The following GABRA3 variants were observed in gnomAD, a reference collection of about 807,000 sequenced individuals.
GABRA3 encodes the protein gamma-aminobutyric acid receptor subunit alpha-3.
GABRA3 carries 10 observed loss-of-function variants against 30.1 expected under a neutral mutation model. That is an observed-to-expected ratio of 0.33 (90% CI 0.20 to 0.56). The LOEUF (loss-of-function observed/expected upper bound fraction) is 0.56, where lower values mean the gene tolerates loss of function less well. GABRA3 is among the 20% of genes least tolerant of loss of function. The pLI, the probability that GABRA3 is intolerant of heterozygous loss-of-function variation, is 0.89. For missense variants in GABRA3, 233 were observed against 392.0 expected (o/e 0.59, Z 3.42); for synonymous variants, 151 against 146.8 (o/e 1.03, Z -0.21).
At chrX:152,256,680 C>T (rs1938642732) in intron 4 of GABRA3, among the ~76,000 whole-genome samples, 1 of 111,685 alleles carries the variant, frequency 9.0e-6, no homozygotes. Context: ...GTATTGGTAA[C>T]AGCATAATAA....
chrX:152,430,233 T>C (rs923913738), intron 1 of GABRA3, among the ~76,000 whole-genome samples: 1 of 111,692 alleles, frequency 9.0e-6, no homozygotes, highest in Admixed American at 9.5e-5. Context: ...TCCATGCAGC[T>C]GAAACAGAAA....
intron 6 of GABRA3, among the ~76,000 whole-genome samples, chrX:152,214,796 G>T (rs1329953625): frequency 9.6e-6 from 1 of 103,783 alleles, no homozygotes; most frequent in Non-Finnish European, 1.9e-5. Flanking sequence ...TTACCTCCTT[G>T]GTTAAATTTA....
At chrX:152,298,674 G>A (rs1005214319) in intron 3 of GABRA3, among the ~76,000 whole-genome samples, 6 of 110,902 alleles carry the variant, frequency 5.4e-5, no homozygotes, top group East Asian at 5.6e-4. Flanking sequence ...GAATAGTGCC[G>A]TAATAAACAT....
intron 3 of GABRA3, among the ~76,000 whole-genome samples, chrX:152,322,393 G>T (rs1169781889): frequency 8.9e-6 from 1 of 111,838 alleles, no homozygotes; most frequent in Non-Finnish European, 1.9e-5. Flanking sequence ...GGATGGAAAT[G>T]ATTTGGAACT....
At chrX:152,382,483 C>T (rs1369963570) in intron 1 of GABRA3, among the ~76,000 whole-genome samples, 1 of 112,231 alleles carries the variant, frequency 8.9e-6, no homozygotes, top group Non-Finnish European at 1.9e-5. Flanking sequence ...TGCCTCTTTA[C>T]TGTGTTGTTT....
At chrX:152,424,541 T>C (rs1261372436) in intron 1 of GABRA3, among the ~76,000 whole-genome samples, 2 of 111,491 alleles carry the variant, frequency 1.8e-5, no homozygotes, top group East Asian at 5.6e-4. Flanking sequence ...CCCCCACCAC[T>C]TGAAATGCTT....
At chrX:152,224,371 T>C (rs1937897755) in intron 6 of GABRA3, among the ~76,000 whole-genome samples, 1 of 111,984 alleles carries the variant, frequency 8.9e-6, no homozygotes, top group Admixed American at 9.5e-5. Context: ...AAGATGCAGG[T>C]AGAATACGCA....
chrX:152,410,064 T>C (rs1930031452), intron 1 of GABRA3, among the ~76,000 whole-genome samples: 2 of 112,105 alleles, frequency 1.8e-5, no homozygotes, highest in African/African-American at 6.5e-5. Context: ...TGCAAAAACA[T>C]GGATGGAACT....
intron 3 of GABRA3, 132 bp downstream of exon 3, chrX:152,345,449 T>C: frequency 3.0e-6 from 2 of 663,543 alleles, no homozygotes. Context: ...TTAGTGCTCA[T>C]AGGGAAGAAA....
chrX:152,243,861 T>A (rs975739162), intron 5 of GABRA3, among the ~76,000 whole-genome samples: 3 of 112,154 alleles, frequency 2.7e-5, no homozygotes, highest in Non-Finnish European at 3.8e-5. Flanking sequence ...TCTCATTGGG[T>A]TCAAAATCCC....
chrX:152,359,405 GTTCT>G (rs1928417090), intron 2 of GABRA3, among the ~76,000 whole-genome samples: 2 of 110,528 alleles, frequency 1.8e-5, no homozygotes, highest in African/African-American at 6.6e-5. Flanking sequence ...GCAGTAACAT[GTTCT>G]TTGTTATTTC....
chrX:152,374,980 T>C (rs1054225116), intron 1 of GABRA3, among the ~76,000 whole-genome samples: 3 of 111,441 alleles, frequency 2.7e-5, no homozygotes, highest in African/African-American at 9.8e-5. Context: ...AGTTCTCTTT[T>C]CTGTTCCATT....
intron 3 of GABRA3, among the ~76,000 whole-genome samples, chrX:152,289,311 G>C (rs1414335988): frequency 9.5e-6 from 1 of 105,162 alleles, no homozygotes; most frequent in Non-Finnish European, 2.0e-5. Flanking sequence ...GCTACCCTTT[G>C]GATCCACACA....
intron 3 of GABRA3, among the ~76,000 whole-genome samples, chrX:152,325,889 T>C (rs1940047949): frequency 9.0e-6 from 1 of 110,965 alleles, no homozygotes; most frequent in Non-Finnish European, 1.9e-5. Flanking sequence ...AGCAGATCAG[T>C]AATAACCAAC....
intron 3 of GABRA3, among the ~76,000 whole-genome samples, chrX:152,297,916 T>C (rs970294873): frequency 8.9e-6 from 1 of 112,071 alleles, no homozygotes; most frequent in African/African-American, 3.2e-5. Flanking sequence ...ATAACAAAAT[T>C]AGAAAGAGAA....
intron 4 of GABRA3, among the ~76,000 whole-genome samples, chrX:152,256,425 C>T (rs910637385): frequency 9.0e-6 from 1 of 111,170 alleles, no homozygotes; most frequent in East Asian, 2.8e-4. Flanking sequence ...TACATTTTAT[C>T]GTACATTTAA....
chrX:152,255,825 G>A lies in GABRA3; in HGVS notation c.504C>T (p.Asn168=). 8.3e-7 allele frequency: 1 copy of A among 1,211,492 alleles called. No individual in the cohort carries two copies. The highest frequency in any genetic ancestry group is 2.3e-4 in the Middle Eastern group (1 of 4,352). The change falls in exon 5 of 10, where the codon AAC becomes AAT. Residue 168 remains asparagine, a synonymous_variant. Transcript: ENST00000370314. ...KSVAHNMTTP[N]KLLRLVDNGT... is the part of the protein sequence containing the mutation. ...CGTTGTCCACCAATCTGAGCAGCTT[G>A]TTGGGCGTGGTCATGTTATGAGCCA...
At chrX:152,447,150 G>T (rs1019046503) in intron 1 of GABRA3, among the ~76,000 whole-genome samples, 1 of 110,540 alleles carries the variant, frequency 9.0e-6, no homozygotes, top group African/African-American at 3.3e-5. Flanking sequence ...CATCTTGGAG[G>T]GCAGAGGCTA....
intron 1 of GABRA3, among the ~76,000 whole-genome samples, chrX:152,377,909 T>G (rs1569412456): frequency 8.9e-6 from 1 of 111,797 alleles, no homozygotes; most frequent in East Asian, 2.8e-4. Flanking sequence ...GAGAGTTGCT[T>G]TAGTTTGAAC....
Sources: gnomAD v4.1 joint callset for allele counts (sites outside exome capture counted in the v4.1 genomes callset) on GRCh38, gnomAD v4.1.1 for gene constraint, MANE v1.5 for transcripts, NCBI Gene and HGNC (gene_info 2026-07-23, HGNC 2026-07-21) for gene names.